SLX4: variants seen among roughly 807,000 people sequenced by gnomAD.
The protein encoded by SLX4 is SLX4 structure-specific endonuclease subunit, also known as structure-specific endonuclease subunit SLX4.
In SLX4, 112 loss-of-function variants were observed where a neutral mutation model predicts 146.2. The ratio of observed to expected loss-of-function variants is 0.77; its 90% CI spans 0.66 to 0.90. The LOEUF is 0.90. SLX4 is among the 40% of genes least tolerant of loss of function. The pLI, the probability that SLX4 is intolerant of heterozygous loss-of-function variation, is 0.00. For synonymous variants in SLX4, 1,061 were observed against 997.7 expected (o/e 1.06, Z -1.20); for missense variants, 2,563 against 2,392.7 (o/e 1.07, Z -1.49).
intron 9 of SLX4, 42 bp from the exon 10 acceptor site, chr16:3,594,641 T>C: frequency 1.9e-6 from 3 of 1,613,328 alleles, no homozygotes; most frequent in Non-Finnish European, 2.5e-6. Context: ...TCCCCACCTC[T>C]GCTCTGCTAA....
chr16:3,581,757 A>G lies in SLX4; in HGVS notation c.*585T>C, dbSNP rs1188095016. ...GGCCCTCTTGGGTTAAGGGAGACAC[A>G]CTGGGCCGGGCGCAGTGGCTGGCGC... On this transcript the variant is annotated 3_prime_UTR_variant, in exon 15 of 15. Coordinates refer to ENST00000294008, the MANE Select transcript of SLX4 (RefSeq NM_032444.4). 6.2e-6 allele frequency: 1 copy of G among 162,232 alleles called. No individual in the cohort carries two copies. Among genetic ancestry groups the G allele is most frequent in the Non-Finnish European group, 1.4e-5 (1 of 73,784 alleles). The allele number at this position is 162,232 out of a possible 1,614,324, so 10.0% of individuals were successfully genotyped here.
At chr16:3,610,363 A>G (rs1567179141) in intron 1 of SLX4, among the ~76,000 whole-genome samples, 1 of 152,132 alleles carries the variant, frequency 6.6e-6, no homozygotes, top group Non-Finnish European at 1.5e-5. Flanking sequence ...GTTAATCCCT[A>G]TCATCGCCCA....
In SLX4 at chr16:3,597,756, C is replaced by T. The variant is rs752089590; in HGVS notation, c.1366+41G>A. 3.1e-6 allele frequency: 5 copies of T among 1,614,052 alleles called. No homozygotes were observed. The highest frequency in any genetic ancestry group is 4.2e-6 in the Non-Finnish European group (5 of 1,179,934). On this transcript the variant is annotated intron_variant, in intron 6 of 14. Coordinates refer to ENST00000294008, the MANE Select transcript of SLX4 (RefSeq NM_032444.4). The surrounding 1 kb of genome is among the most constrained non-coding windows in gnomAD (Gnocchi z 4.4). ...AGTCGGTCCACTCACCCGGGACCTG[C>T]TGATGGCCTCTCCCAGGGTCACTCT...
Position 3,581,888 on chromosome 16 carries a change from A to G in SLX4, c.*454T>C, listed in dbSNP as rs2040439853. ...TGAAACCCCGTTTCTACTAAAATAT[A>G]AAAAATCAGCTGGGCGTGGCAGCGT... On this transcript the variant is annotated 3_prime_UTR_variant, in exon 15 of 15. Transcript: ENST00000294008. 5.0e-6 allele frequency: 1 copy of G among 200,182 alleles called. No individual in the cohort carries two copies. The highest frequency in any genetic ancestry group is 1.1e-4 in the South Asian group (1 of 9,004). 12.4% of individuals were successfully genotyped at this position (200,182 alleles called of 1,614,324 possible).
Position 3,590,852 on chromosome 16 carries a change from G to A in SLX4, c.2786C>T (p.Pro929Leu), listed in dbSNP as rs117707719. The change falls in exon 12 of 15, where the codon CCG becomes CTG. Residue 929 changes from proline (P) to leucine (L), a missense_variant. Coordinates refer to ENST00000294008, the MANE Select transcript of SLX4 (RefSeq NM_032444.4). This position sits in a 1 kb window ranked among gnomAD's most constrained non-coding sequence, Gnocchi z 4.8. Reference sequence around the variant, plus strand: ...CCCTGAGTGCTGGCCCTGGGGTGGCGGGAGAGCGCACTGTCCCATCTTCTC... The same window carrying A: ...CCCTGAGTGCTGGCCCTGGGGTGGCAGGAGAGCGCACTGTCCCATCTTCTC... ...TWEKMGQCAL[P>L]PPQGQHSGAR... 1,234 of 1,614,104 alleles carry A rather than the reference G, an allele frequency of 7.6e-4. 13 individuals are homozygous for A. The East Asian group carries it at 0.025, about 33-fold the overall frequency.
intron 2 of SLX4, among the ~76,000 whole-genome samples, chr16:3,606,970 T>C (rs1358976241): frequency 1.3e-5 from 2 of 152,182 alleles, no homozygotes; most frequent in East Asian, 3.8e-4. Flanking sequence ...TAACGTTAGG[T>C]AGTGGTGGTG....
Position 3,590,464 on chromosome 16 carries a change from T to A in SLX4, c.3174A>T (p.Thr1058=). 6.2e-7 allele frequency: 1 copy of A among 1,613,806 alleles called. No individual in the cohort carries two copies. The highest frequency in any genetic ancestry group is 1.1e-5 in the South Asian group (1 of 91,050). The change falls in exon 12 of 15, where the codon ACA becomes ACT. Residue 1058 remains threonine (T), a synonymous_variant. Transcript: ENST00000294008. This position sits in a 1 kb window ranked among gnomAD's most constrained non-coding sequence, Gnocchi z 4.8. ...GGGAAGTTCCGCCACGGGACCGGGG[T>A]GTTGACAGGGACGACCCACTTGTGT... The part of the protein sequence containing the change: ...SHHTSGSSLS[T]PRSRGGTSQV...
chr16:3,591,355 T>C lies in SLX4; in HGVS notation c.2328-45A>G, dbSNP rs768357417. ...CAGTCATCGCCCCTCTGCGTGGAGA[T>C]GGGCTCTGGGTGCCCCGGTGGGGTG... is the stretch of plus-strand genomic sequence containing the variant. On this transcript the variant is annotated intron_variant, in intron 11 of 14. Coordinates refer to ENST00000294008, the MANE Select transcript of SLX4 (RefSeq NM_032444.4). 2.5e-6 allele frequency: 4 copies of C among 1,603,152 alleles called. No individual in the cohort carries two copies. In the South Asian group the frequency reaches 4.4e-5, roughly 18 times the overall value.
In SLX4 at chr16:3,582,570, G is replaced by T; in HGVS notation, c.5277C>A (p.Tyr1759Ter). The T allele has an allele frequency of 6.2e-7, 1 of 1,613,786 alleles. No individual in the cohort carries two copies. Among genetic ancestry groups the T allele is most frequent in the Non-Finnish European group, 8.5e-7 (1 of 1,180,040 alleles). The change falls in exon 15 of 15, where the codon TAC (tyrosine) becomes TAA (stop). Residue 1759 changes from tyrosine to a stop codon, truncating the protein, a stop_gained. Coordinates refer to ENST00000294008, the MANE Select transcript of SLX4 (RefSeq NM_032444.4). LOFTEE classifies it low-confidence loss of function (END_TRUNC). ...AADTDEALRC[Y>*]IRSKPALYQK... ...GGTACAGGGCCGGCTTGGAGCGGAT[G>T]TAGCACCTCAGCGCCTCGTCTGTGT... is the stretch of plus-strand genomic sequence containing the variant.
intron 1 of SLX4, among the ~76,000 whole-genome samples, chr16:3,610,204 C>T (rs571083210): frequency 6.6e-6 from 1 of 152,328 alleles, no homozygotes; most frequent in South Asian, 2.1e-4. Flanking sequence ...ATGCAATCTC[C>T]ACTGTCCAAG....
At chr16:3,605,089 TA>T (rs934651481) in intron 3 of SLX4, among the ~76,000 whole-genome samples, 5 of 151,334 alleles carry the variant, frequency 3.3e-5, no homozygotes, top group East Asian at 3.9e-4. Flanking sequence ...CCCAGCTAAT[TA>T]AAAAAAAATT....
At position 3,583,192 on chromosome 16, in the gene SLX4, T is replaced by A. The variant is rs1596515362; in HGVS notation, c.5058A>T (p.Ala1686=). Residue 1686 remains alanine, a synonymous_variant, in exon 14 of 15, where the codon GCA becomes GCT. Coordinates refer to ENST00000294008, the MANE Select transcript of SLX4 (RefSeq NM_032444.4). ...GGGCGTCATCATTGAGGCCTGGAGG[T>A]GCCTCCTTGGTGGGCGACCTGCTTG... The part of the protein sequence containing the change: ...TPPSRSPTKE[A]PPGLNDDAQI... The A allele has an allele frequency of 6.2e-7, 1 of 1,614,194 alleles. No individual in the cohort carries two copies. Among genetic ancestry groups the A allele is most frequent in the Non-Finnish European group, 8.5e-7 (1 of 1,180,032 alleles).
chr16:3,602,120 G>A lies in SLX4; in HGVS notation c.948C>T (p.Asn316=). Reference sequence around the variant, plus strand: ...GCGACGGCCCAAGCTGCCCCCACCTGTTCACATGCTGTTCCCTTCGGGTCA... The same window carrying A: ...GCGACGGCCCAAGCTGCCCCCACCTATTCACATGCTGTTCCCTTCGGGTCA... ...MNVTRREQHV[N]RCLDEAEKTL... The change falls in exon 4 of 15, where the codon AAC becomes AAT. Residue 316 remains asparagine (N), a splice_region_variant and synonymous_variant. Coordinates refer to ENST00000294008, the MANE Select transcript of SLX4 (RefSeq NM_032444.4). The A allele has an allele frequency of 6.2e-7, 1 of 1,614,146 alleles. No homozygotes were observed. The highest frequency in any genetic ancestry group is 1.1e-5 in the South Asian group (1 of 91,062).
intron 8 of SLX4, 135 bp from the exon 9 acceptor site, chr16:3,595,828 T>C (rs2040646156): frequency 9.4e-7 from 1 of 1,063,884 alleles, no homozygotes; most frequent in Non-Finnish European, 1.4e-6. Flanking sequence ...GACACCTTCA[T>C]GCAAAGCAAA....
chr16:3,589,835 T>A lies in SLX4; in HGVS notation c.3803A>T (p.Asp1268Val). ...GCTGATTTGGGTCTGGGAAGAACAG[T>A]CACGGCTTCTGCTGGCCAGCGGGGT... Reference protein sequence around the residue: ...PATPLASRSRDCSSQTQISSL... With the variant: ...PATPLASRSRVCSSQTQISSL... Residue 1268 changes from aspartate (D) to valine (V), a missense_variant, in exon 12 of 15, where the codon GAC (aspartate) becomes GTC (valine). Coordinates refer to ENST00000294008, the MANE Select transcript of SLX4 (RefSeq NM_032444.4). The surrounding 1 kb of genome is among the most constrained non-coding windows in gnomAD (Gnocchi z 6.2). 6.2e-7 allele frequency: 1 copy of A among 1,613,468 alleles called. No homozygotes were observed. Among genetic ancestry groups the A allele is most frequent in the Non-Finnish European group, 8.5e-7 (1 of 1,180,024 alleles).
chr16:3,601,439 C>G (rs1030595458), intron 4 of SLX4: 5 of 535,980 alleles, frequency 9.3e-6, no homozygotes, highest in Admixed American at 9.1e-5. Context: ...TTAGAAATTC[C>G]ACTCCTAAGT....
chr16:3,593,007 T>TAG lies in SLX4; in HGVS notation c.2161-144_2161-143dup. 4 of 786,032 alleles carry TAG rather than the reference T, an allele frequency of 5.1e-6. No homozygotes were observed. In the South Asian group the frequency reaches 7.4e-5, roughly 15 times the overall value. 48.7% of individuals were successfully genotyped at this position (786,032 alleles called of 1,614,324 possible). A position where few individuals can be genotyped will look rare whatever the true frequency, so the allele number is the denominator to read the frequency against. On this transcript the variant is annotated intron_variant, in intron 10 of 14. Coordinates refer to ENST00000294008, the MANE Select transcript of SLX4 (RefSeq NM_032444.4). ...CAGTGTCTCCCCTTGTCACCCAGGC[T>TAG]AGAGTACAGTGGTGTGATCATGGCT...
At chr16:3,584,280 G>A (rs1180817877) in intron 13 of SLX4, among the ~76,000 whole-genome samples, 1 of 152,146 alleles carries the variant, frequency 6.6e-6, no homozygotes, top group Non-Finnish European at 1.5e-5. Context: ...AATTAGCCTG[G>A]TGTGGTGGCG....
chr16:3,598,561 G>A (rs2040692667), intron 5 of SLX4, among the ~76,000 whole-genome samples: 1 of 152,236 alleles, frequency 6.6e-6, no homozygotes, highest in Admixed American at 6.5e-5. Flanking sequence ...TTGGTTTGGA[G>A]GAAATGAACA....
Sources: gnomAD v4.1 joint callset for allele counts (sites outside exome capture counted in the v4.1 genomes callset) on GRCh38, gnomAD v4.1.1 for gene constraint, Gnocchi (gnomAD v3.1) non-coding constraint, MANE v1.5 for transcripts, NCBI Gene and HGNC (gene_info 2026-07-23, HGNC 2026-07-21) for gene names.